ASIC2: variants seen among roughly 807,000 people sequenced by gnomAD.
The protein encoded by ASIC2 is acid-sensing ion channel 2.
ASIC2 carries 25 observed loss-of-function variants against 57.3 expected under a neutral mutation model. The ratio of observed to expected loss-of-function variants is 0.44; its 90% CI spans 0.32 to 0.61. ASIC2 has a LOEUF of 0.61. Among genes scored for constraint, ASIC2 ranks in the 20% least tolerant of loss-of-function variants. The pLI is 0.06. For missense variants in ASIC2, 641 were observed against 738.1 expected, an observed-to-expected ratio of 0.87 and a Z score of 1.52; for synonymous variants, 319 against 307.5, an observed-to-expected ratio of 1.04 and a Z score of -0.39.
chr17:33,516,912 G>T (rs778127480), intron 1 of ASIC2, among the ~76,000 whole-genome samples: 1 of 152,202 alleles, frequency 6.6e-6, no homozygotes, highest in Non-Finnish European at 1.5e-5. Context: ...GCAGGATCCA[G>T]ATTTTCATCT....
chr17:33,095,051 T>C (rs1306558187), intron 2 of ASIC2, among the ~76,000 whole-genome samples: 1 of 152,238 alleles, frequency 6.6e-6, no homozygotes, highest in African/African-American at 2.4e-5. Context: ...TGGATTGTTC[T>C]TCATAGAGCT....
At chr17:33,564,808 G>T (rs1489312218) in intron 1 of ASIC2, among the ~76,000 whole-genome samples, 7 of 141,042 alleles carry the variant, frequency 5.0e-5, no homozygotes, top group Admixed American at 4.9e-4. Context: ...CACCTGGCCT[G>T]CCCAGGATGG....
At chr17:33,419,145 C>T (rs1910961703) in intron 1 of ASIC2, among the ~76,000 whole-genome samples, 2 of 152,200 alleles carry the variant, frequency 1.3e-5, no homozygotes, top group East Asian at 1.9e-4. Flanking sequence ...GGAGCCCATG[C>T]CTTGTCTGGC....
intron 3 of ASIC2, among the ~76,000 whole-genome samples, chr17:33,068,679 A>T (rs1567733375): frequency 6.6e-6 from 1 of 152,236 alleles, no homozygotes. Flanking sequence ...CCCTTTGTAC[A>T]CATGGAGTCT....
At chr17:33,967,314 C>T (rs1490926703) in intron 1 of ASIC2, among the ~76,000 whole-genome samples, 1 of 152,138 alleles carries the variant, frequency 6.6e-6, no homozygotes, top group Non-Finnish European at 1.5e-5. Context: ...CAGCTCACTG[C>T]AGCCTGAACC....
At chr17:34,090,201 A>G (rs1371272894) in intron 1 of ASIC2, among the ~76,000 whole-genome samples, 1 of 152,180 alleles carries the variant, frequency 6.6e-6, no homozygotes, top group African/African-American at 2.4e-5. Flanking sequence ...CTTGTATGGC[A>G]AGGAGACTTA....
At chr17:33,970,913 G>A (rs1309392645) in intron 1 of ASIC2, among the ~76,000 whole-genome samples, 1 of 152,136 alleles carries the variant, frequency 6.6e-6, no homozygotes, top group Non-Finnish European at 1.5e-5. Flanking sequence ...CACTCGTGCT[G>A]ACAGCAGATT....
chr17:33,479,774 C>G (rs185702929), intron 1 of ASIC2, among the ~76,000 whole-genome samples: 7 of 152,344 alleles, frequency 4.6e-5, no homozygotes, highest in African/African-American at 1.4e-4. Flanking sequence ...AAGGGACCCT[C>G]TCCTAAGCTT....
chr17:33,810,105 A>T (rs1032770921), intron 1 of ASIC2, among the ~76,000 whole-genome samples: 4 of 152,226 alleles, frequency 2.6e-5, no homozygotes, highest in Non-Finnish European at 2.9e-5. Context: ...TTGAAAAAAA[A>T]TCACTTGTAC....
chr17:33,516,237 A>G (rs551971461), intron 1 of ASIC2, among the ~76,000 whole-genome samples: 1 of 152,264 alleles, frequency 6.6e-6, no homozygotes, highest in African/African-American at 2.4e-5. Context: ...GGCCACCACC[A>G]CTCCCACATT....
chr17:33,131,279 C>T (rs183818066), intron 1 of ASIC2, among the ~76,000 whole-genome samples: 2 of 152,130 alleles, frequency 1.3e-5, no homozygotes, highest in East Asian at 3.9e-4. Context: ...CTACATAGAC[C>T]CTTCTATTGA....
chr17:33,353,629 T>C (rs922870875), intron 1 of ASIC2, among the ~76,000 whole-genome samples: 46 of 152,188 alleles, frequency 3.0e-4, no homozygotes, highest in Non-Finnish European at 1.2e-4. Context: ...TGAGCCACCA[T>C]GCCTAACCTT....
At chr17:33,612,575 G>A (rs529691214) in intron 1 of ASIC2, among the ~76,000 whole-genome samples, 1 of 152,326 alleles carries the variant, frequency 6.6e-6, no homozygotes, top group African/African-American at 2.4e-5. Flanking sequence ...ACAGTTCCCA[G>A]CCTCCCCTGC....
chr17:33,571,799 C>T (rs1916455575), intron 1 of ASIC2, among the ~76,000 whole-genome samples: 1 of 152,266 alleles, frequency 6.6e-6, no homozygotes, highest in South Asian at 2.1e-4. Context: ...TTCATCTCGG[C>T]CATTTGCATG....
chr17:33,330,691 C>G (rs751631145), intron 1 of ASIC2, among the ~76,000 whole-genome samples: 2 of 152,034 alleles, frequency 1.3e-5, no homozygotes, highest in Non-Finnish European at 2.9e-5. Flanking sequence ...GCATTGTGCT[C>G]TTGCTGCTTC....
chr17:33,999,700 TTA>T (rs1026804898), intron 1 of ASIC2, among the ~76,000 whole-genome samples: 1 of 152,204 alleles, frequency 6.6e-6, no homozygotes, highest in Non-Finnish European at 1.5e-5. Context: ...TTTCTATCTT[TTA>T]TATATTGTAT....
chr17:33,212,083 T>C (rs1209332143), intron 1 of ASIC2, among the ~76,000 whole-genome samples: 1 of 152,178 alleles, frequency 6.6e-6, no homozygotes, highest in Non-Finnish European at 1.5e-5. Flanking sequence ...TCCCTGTCTG[T>C]CTCTAAGGCT....
intron 1 of ASIC2, among the ~76,000 whole-genome samples, chr17:33,449,819 G>A (rs1408333732): frequency 1.3e-5 from 2 of 151,572 alleles, no homozygotes. Flanking sequence ...CTGTCATCCG[G>A]GCTGAAGTGC....
At chr17:33,295,933 G>T (rs1905703228), upstream of ASIC2, among the ~76,000 whole-genome samples, 1 of 152,096 alleles carries the variant, frequency 6.6e-6, no homozygotes, top group African/African-American at 2.4e-5. Flanking sequence ...CTGTCCTCCT[G>T]CCTCAGCCTC....
Sources: allele counts gnomAD v4.1 joint callset (sites outside exome capture counted in the v4.1 genomes callset), GRCh38; gene constraint gnomAD v4.1.1; transcripts MANE v1.5; gene names NCBI Gene and HGNC (gene_info 2026-07-23, HGNC 2026-07-21).